CHRNA7: variants seen among roughly 807,000 people sequenced by gnomAD.
CHRNA7 encodes cholinergic receptor nicotinic alpha 7 subunit, also known as neuronal acetylcholine receptor subunit alpha-7.
In CHRNA7, 17 loss-of-function variants were observed where a neutral mutation model predicts 48.0. The observed-to-expected ratio is 0.35, with a 90% CI of 0.24 to 0.53. The LOEUF is 0.53. Ranked by LOEUF, CHRNA7 falls within the 20% of genes least tolerant of loss-of-function variation. The probability of loss-of-function intolerance (pLI) is 0.92; values close to 1 mark genes in which losing one functional copy is unlikely to be tolerated. For missense variants in CHRNA7, 155 were observed against 577.7 expected, an observed-to-expected ratio of 0.27 and a Z score of 7.50; for synonymous variants, 75 against 242.3, an observed-to-expected ratio of 0.31 and a Z score of 6.41.
chr15:32,141,550 A>G (rs946089739), intron 4 of CHRNA7, among the ~76,000 whole-genome samples: 3 of 152,220 alleles, frequency 2.0e-5, no homozygotes, highest in Non-Finnish European at 4.4e-5. Flanking sequence ...CTTCCTATCC[A>G]TGAGCATGGA....
intron 2 of CHRNA7, among the ~76,000 whole-genome samples, chr15:32,064,910 T>C (rs1436265225): frequency 6.6e-6 from 1 of 152,164 alleles, no homozygotes; most frequent in East Asian, 1.9e-4. Context: ...TGCATTGTGG[T>C]TCTTAAAATG....
At chr15:32,128,964 G>T (rs551529624) in intron 4 of CHRNA7, among the ~76,000 whole-genome samples, 47 of 151,920 alleles carry the variant, frequency 3.1e-4, no homozygotes, top group African/African-American at 1.0e-3. Flanking sequence ...TTTTAATATG[G>T]ATGAGTGTTG....
chr15:32,150,399 G>T (rs1336413566), intron 4 of CHRNA7, among the ~76,000 whole-genome samples: 3 of 152,170 alleles, frequency 2.0e-5, no homozygotes, highest in Non-Finnish European at 2.9e-5. Flanking sequence ...GAGGGTGATT[G>T]ATGGGGGAAC....
At chr15:32,097,773 C>T (rs2050497104) in intron 2 of CHRNA7, among the ~76,000 whole-genome samples, 1 of 152,204 alleles carries the variant, frequency 6.6e-6, no homozygotes, top group Admixed American at 6.5e-5. Flanking sequence ...TCTGTCCCCT[C>T]TCTTGCAGGA....
chr15:32,114,031 TA>T (rs2050811246), intron 4 of CHRNA7, among the ~76,000 whole-genome samples: 1 of 93,542 alleles, frequency 1.1e-5, no homozygotes, highest in African/African-American at 4.3e-5. Flanking sequence ...TATATATATA[TA>T]TATATATATA....
intron 9 of CHRNA7, chr15:32,165,906 A>ATG (rs1485474332): frequency 6.6e-6 from 1 of 151,640 alleles, no homozygotes; most frequent in Non-Finnish European, 1.5e-5. Flanking sequence ...TGAGCTTGAG[A>ATG]TGTGCACTGG....
chr15:32,045,952 AATG>A (rs2049536352), intron 2 of CHRNA7, among the ~76,000 whole-genome samples: 2 of 150,874 alleles, frequency 1.3e-5, no homozygotes, highest in Non-Finnish European at 2.9e-5. Context: ...GTTTACTGAG[AATG>A]ATGATTTCCA....
intron 2 of CHRNA7, among the ~76,000 whole-genome samples, chr15:32,060,960 C>G (rs1188727208): frequency 1.3e-5 from 2 of 152,200 alleles, no homozygotes; most frequent in African/African-American, 4.8e-5. Flanking sequence ...GGCTGATATG[C>G]AGAGCTGCCT....
At chr15:32,066,623 A>G (rs78563625) in intron 2 of CHRNA7, among the ~76,000 whole-genome samples, 1 of 152,242 alleles carries the variant, frequency 6.6e-6, no homozygotes, top group African/African-American at 2.4e-5. Context: ...AAATATATGT[A>G]TGAGACATGC....
At chr15:32,070,777 C>T (rs1458775134) in intron 2 of CHRNA7, among the ~76,000 whole-genome samples, 3 of 144,794 alleles carry the variant, frequency 2.1e-5, no homozygotes, top group African/African-American at 5.2e-5. Context: ...AACTCTGCCT[C>T]GCGGATTCAC....
chr15:32,115,917 G>T (rs1453154960), intron 4 of CHRNA7, among the ~76,000 whole-genome samples: 1 of 152,152 alleles, frequency 6.6e-6, no homozygotes. Context: ...AGGCAACCTA[G>T]AAAACATTCA....
At position 32,122,242 on chromosome 15, in the gene CHRNA7, C is replaced by A. The variant is rs1022263996; in HGVS notation, c.350+10343C>A. Among the ~76,000 whole-genome samples, 3 of 152,140 alleles carry A rather than the reference C, an allele frequency of 2.0e-5. No homozygotes were observed. The East Asian group carries it at 5.8e-4, about 29-fold the overall frequency. ...GAGTTGCTGGAGGCCAGAACCTGGGCAGAACCTTGGAACTCAGGCTGTCTG... is the reference window on the plus strand; with the variant it reads ...GAGTTGCTGGAGGCCAGAACCTGGGAAGAACCTTGGAACTCAGGCTGTCTG... On this transcript the variant is annotated intron_variant, in intron 4 of 9. Coordinates refer to ENST00000306901, the MANE Select transcript of CHRNA7 (RefSeq NM_000746.6).
intron 4 of CHRNA7, among the ~76,000 whole-genome samples, chr15:32,128,127 A>G (rs750776583): frequency 3.9e-5 from 6 of 152,002 alleles, no homozygotes; most frequent in African/African-American, 1.2e-4. Context: ...GTGTGGGTCT[A>G]CTATTGGGTT....
At chr15:32,106,522 C>T (rs1003885526) in intron 3 of CHRNA7, among the ~76,000 whole-genome samples, 39 of 152,200 alleles carry the variant, frequency 2.6e-4, no homozygotes, top group African/African-American at 8.9e-4. Context: ...CTTCATGTTC[C>T]GAGGAGGAAG....
At chr15:32,089,962 TC>T (rs1374256939) in intron 2 of CHRNA7, among the ~76,000 whole-genome samples, 1 of 152,240 alleles carries the variant, frequency 6.6e-6, no homozygotes. Context: ...GTACTCTTTC[TC>T]AGAGAATCTA....
rs1428032828 is a variant in CHRNA7, at chr15:32,030,660, TG to T, written c.55+12del. ...CGTCGCTCCTGCACGGTAAAGCCAC[TG>T]CCTCCCCGCCCTCCACTCCTCCGTG... is the stretch of plus-strand genomic sequence containing the variant. On this transcript the variant is annotated intron_variant, in intron 1 of 9. Coordinates refer to ENST00000306901, the MANE Select transcript of CHRNA7 (RefSeq NM_000746.6). 1 of 1,572,304 alleles carries T rather than the reference TG, an allele frequency of 6.4e-7. No homozygotes were observed. Among genetic ancestry groups the T allele is most frequent in the Non-Finnish European group, 8.6e-7 (1 of 1,162,474 alleles).
chr15:32,150,872 T>C (rs1348335916), intron 4 of CHRNA7, among the ~76,000 whole-genome samples: 1 of 152,090 alleles, frequency 6.6e-6, no homozygotes, highest in African/African-American at 2.4e-5. Context: ...AGATACAGAC[T>C]ACGGTCAAGC....
At chr15:32,059,119 T>G (rs1318774732) in intron 2 of CHRNA7, among the ~76,000 whole-genome samples, 1 of 152,064 alleles carries the variant, frequency 6.6e-6, no homozygotes, top group Non-Finnish European at 1.5e-5. Flanking sequence ...TTCTCATGCC[T>G]CAGTCTCCCG....
intron 2 of CHRNA7, among the ~76,000 whole-genome samples, chr15:32,066,282 G>A (rs1386297126): frequency 1.5e-5 from 2 of 135,882 alleles, no homozygotes; most frequent in Non-Finnish European, 3.3e-5. Context: ...TCACATTATA[G>A]TATTTTTTTT....
Sources: gnomAD v4.1 joint callset for allele counts (sites outside exome capture counted in the v4.1 genomes callset) on GRCh38, gnomAD v4.1.1 for gene constraint, MANE v1.5 for transcripts, NCBI Gene and HGNC (gene_info 2026-07-23, HGNC 2026-07-21) for gene names.